Variants in SCRG1 observed in about 807,000 individuals in gnomAD.
SCRG1 encodes stimulator of chondrogenesis 1, also known as scrapie-responsive protein 1.
In SCRG1, 3 loss-of-function variants were observed where a neutral mutation model predicts 7.7. The ratio of observed to expected loss-of-function variants is 0.39; its 90% CI spans 0.18 to 1.01. The LOEUF is 1.01. Among genes scored for constraint, SCRG1 ranks in the 50% least tolerant of loss-of-function variants. The pLI, the probability that SCRG1 is intolerant of heterozygous loss-of-function variation, is 0.36. For synonymous variants in SCRG1, 46 were observed against 41.2 expected, an observed-to-expected ratio of 1.12 and a Z score of -0.44; for missense variants, 110 against 117.2, an observed-to-expected ratio of 0.94 and a Z score of 0.28.
At chr4:173,487,199 C>T in the SCRG1 span, among the ~76,000 whole-genome samples, 1 of 152,158 alleles carries the variant, frequency 6.6e-6, no homozygotes, top group African/African-American at 2.4e-5. Flanking sequence ...ATGGACTTAT[C>T]AGATGTTCTG....
the SCRG1 span, among the ~76,000 whole-genome samples, chr4:173,454,771 C>T: frequency 6.6e-6 from 1 of 152,080 alleles, no homozygotes; most frequent in Non-Finnish European, 1.5e-5. Context: ...GTGGGGCAGA[C>T]TGATAGACGT....
chr4:173,516,035 G>A, the SCRG1 span, among the ~76,000 whole-genome samples: 46 of 152,054 alleles, frequency 3.0e-4, no homozygotes, highest in Non-Finnish European at 3.8e-4. Context: ...GGTGCCCCTC[G>A]GGGGCCAATG....
chr4:173,406,604 T>C (rs1326500754), upstream of SCRG1, among the ~76,000 whole-genome samples: 1 of 152,150 alleles, frequency 6.6e-6, no homozygotes, highest in African/African-American at 2.4e-5. Context: ...CCCTAAAATA[T>C]CTCCTGTGGT....
the SCRG1 span, among the ~76,000 whole-genome samples, chr4:173,429,228 A>G: frequency 6.6e-6 from 1 of 152,252 alleles, no homozygotes; most frequent in East Asian, 1.9e-4. Flanking sequence ...TGCAAAACTG[A>G]TTTCAAGGAA....
the SCRG1 span, chr4:173,469,018 C>T: frequency 6.6e-6 from 1 of 152,120 alleles, no homozygotes; most frequent in Non-Finnish European, 1.5e-5. Context: ...TGAAGTGTCC[C>T]CAGTGCAGTG....
the SCRG1 span, among the ~76,000 whole-genome samples, chr4:173,454,092 A>AG: frequency 1.3e-5 from 2 of 151,550 alleles, no homozygotes. Flanking sequence ...AAAAAAAAAA[A>AG]AGAACTGACC....
the SCRG1 span, among the ~76,000 whole-genome samples, chr4:173,474,853 A>T: frequency 2.5e-3 from 387 of 152,334 alleles, no homozygotes; most frequent in African/African-American, 8.5e-3. Flanking sequence ...AAGATCACAA[A>T]AACCCTTAGT....
chr4:173,398,593 C>G (rs993505397), intron 1 of SCRG1, among the ~76,000 whole-genome samples: 3 of 152,174 alleles, frequency 2.0e-5, no homozygotes, highest in African/African-American at 7.2e-5. Context: ...ACATTTGTAC[C>G]AGGTTCTTTT....
the SCRG1 span, among the ~76,000 whole-genome samples, chr4:173,462,028 G>A: frequency 2.6e-5 from 4 of 152,170 alleles, no homozygotes; most frequent in East Asian, 7.7e-4. Flanking sequence ...AAAAGATCCT[G>A]CAGGATCTAT....
At chr4:173,481,053 C>T in the SCRG1 span, among the ~76,000 whole-genome samples, 1 of 151,904 alleles carries the variant, frequency 6.6e-6, no homozygotes, top group African/African-American at 2.4e-5. Flanking sequence ...GATCACCCTT[C>T]CAAATGAGCA....
At chr4:173,507,052 G>T in the SCRG1 span, among the ~76,000 whole-genome samples, 5 of 152,352 alleles carry the variant, frequency 3.3e-5, no homozygotes, top group African/African-American at 9.6e-5. This position sits in a 1 kb window ranked among gnomAD's most constrained non-coding sequence, Gnocchi z 4.4. Flanking sequence ...GCCAGAGGAG[G>T]GGTGGGGGCA....
At chr4:173,468,798 C>T in the SCRG1 span, 89 of 152,272 alleles carry the variant, frequency 5.8e-4, no homozygotes, top group African/African-American at 1.9e-3. Context: ...ACTTTTGGCC[C>T]CTGGGAGACA....
the SCRG1 span, among the ~76,000 whole-genome samples, chr4:173,445,916 G>A: frequency 3.6e-3 from 546 of 152,068 alleles, 2 homozygotes; most frequent in African/African-American, 0.013. Context: ...CACCCACTTC[G>A]GCCTCTCAAA....
chr4:173,420,394 T>G, the SCRG1 span, among the ~76,000 whole-genome samples: 43 of 152,352 alleles, frequency 2.8e-4, 1 homozygote, highest in South Asian at 8.7e-3. Context: ...TTTTAAACAA[T>G]GCTTGGCACA....
the SCRG1 span, among the ~76,000 whole-genome samples, chr4:173,458,023 C>G: frequency 6.6e-6 from 1 of 152,214 alleles, no homozygotes; most frequent in Non-Finnish European, 1.5e-5. Context: ...AGAGCACTCT[C>G]AGAGACAGGG....
At chr4:173,471,598 A>C in the SCRG1 span, among the ~76,000 whole-genome samples, 102 of 152,284 alleles carry the variant, frequency 6.7e-4, 2 homozygotes, top group South Asian at 7.9e-3. Flanking sequence ...AAAAATGTTC[A>C]GGCAAACCAG....
chr4:173,403,564 A>G (rs1184000401), upstream of SCRG1, among the ~76,000 whole-genome samples: 1 of 152,198 alleles, frequency 6.6e-6, no homozygotes, highest in Non-Finnish European at 1.5e-5. Context: ...ATGATTTTCA[A>G]TGCTGCAGAA....
the SCRG1 span, among the ~76,000 whole-genome samples, chr4:173,509,499 G>A: frequency 1.3e-5 from 2 of 152,216 alleles, no homozygotes; most frequent in African/African-American, 4.8e-5. This position sits in a 1 kb window ranked among gnomAD's most constrained non-coding sequence, Gnocchi z 5.7. Flanking sequence ...CGGCCTCCTT[G>A]GAGGGCGGTA....
chr4:173,442,921 T>G, the SCRG1 span, among the ~76,000 whole-genome samples: 1 of 152,120 alleles, frequency 6.6e-6, no homozygotes, highest in Non-Finnish European at 1.5e-5. Flanking sequence ...CACAGGCAAT[T>G]AAATTTCAAC....
Sources: gnomAD v4.1 joint callset for allele counts (sites outside exome capture counted in the v4.1 genomes callset) on GRCh38, gnomAD v4.1.1 for gene constraint, Gnocchi (gnomAD v3.1) non-coding constraint, MANE v1.5 for transcripts, NCBI Gene and HGNC (gene_info 2026-07-23, HGNC 2026-07-21) for gene names.